Variants in MPP7 observed in about 807,000 individuals in gnomAD.
MPP7 encodes MAGUK p55 scaffold protein 7.
In MPP7, 60 loss-of-function variants were observed where a neutral mutation model predicts 76.5. The ratio of observed to expected loss-of-function variants is 0.78; its 90% CI spans 0.64 to 0.97. MPP7 has a LOEUF of 0.97. MPP7 is among the 50% of genes least tolerant of loss of function. The pLI, the probability that MPP7 is intolerant of heterozygous loss-of-function variation, is 0.00. For synonymous variants in MPP7, 237 were observed against 244.5 expected (o/e 0.97, Z 0.29); for missense variants, 641 against 694.0 (o/e 0.92, Z 0.86).
At chr10:28,174,071 A>G (rs980711995) in intron 3 of MPP7, among the ~76,000 whole-genome samples, 1 of 152,176 alleles carries the variant, frequency 6.6e-6, no homozygotes, top group African/African-American at 2.4e-5. Flanking sequence ...TTTAAAACCA[A>G]TGAGATACCA....
chr10:28,140,373 G>T (rs1304077095), intron 5 of MPP7, among the ~76,000 whole-genome samples: 1 of 151,962 alleles, frequency 6.6e-6, no homozygotes, highest in Admixed American at 6.6e-5. Flanking sequence ...TTAGCCAGGC[G>T]GGTGGCATGT....
At chr10:28,078,816 G>A (rs1232310459) in intron 12 of MPP7, among the ~76,000 whole-genome samples, 1 of 152,124 alleles carries the variant, frequency 6.6e-6, no homozygotes, top group Non-Finnish European at 1.5e-5. Context: ...GTAAGCAAAT[G>A]TGTTGCATGG....
chr10:28,077,059 T>G (rs1852523784), intron 12 of MPP7, among the ~76,000 whole-genome samples: 1 of 146,514 alleles, frequency 6.8e-6, no homozygotes, highest in Non-Finnish European at 1.5e-5. Flanking sequence ...ACTTCCTTTC[T>G]TATTCTTAAA....
chr10:28,113,205 A>C (rs770486971), intron 11 of MPP7, among the ~76,000 whole-genome samples: 2 of 152,120 alleles, frequency 1.3e-5, no homozygotes, highest in Non-Finnish European at 2.9e-5. Flanking sequence ...CCAGAAGGAA[A>C]GCTTGCTTGG....
intron 3 of MPP7, among the ~76,000 whole-genome samples, chr10:28,165,725 T>C (rs1836429054): frequency 6.6e-6 from 1 of 151,906 alleles, no homozygotes; most frequent in Non-Finnish European, 1.5e-5. Context: ...AAAAGTAAAA[T>C]TTAGAATTTA....
intron 13 of MPP7, 75 bp from the exon 14 acceptor site, chr10:28,059,818 G>A: frequency 1.0e-6 from 1 of 992,712 alleles, no homozygotes; most frequent in Non-Finnish European, 1.5e-6. Flanking sequence ...AAGAAATCAA[G>A]GGTATTTAAT....
chr10:28,185,317 A>T (rs1342030997), intron 3 of MPP7, among the ~76,000 whole-genome samples: 1 of 151,994 alleles, frequency 6.6e-6, no homozygotes, highest in Non-Finnish European at 1.5e-5. Context: ...CCAGAACCTG[A>T]GTCCAAGCAA....
chr10:28,083,481 T>TATTACTAAGA (rs1852858388), intron 12 of MPP7, among the ~76,000 whole-genome samples: 1 of 151,906 alleles, frequency 6.6e-6, no homozygotes, highest in Admixed American at 6.6e-5. Context: ...TTAGTAGAAC[T>TATTACTAAGA]ATTACTAAGA....
chr10:28,291,473 C>G (rs1840918487), intron 1 of MPP7, among the ~76,000 whole-genome samples: 2 of 152,154 alleles, frequency 1.3e-5, no homozygotes, highest in African/African-American at 2.4e-5. Flanking sequence ...GGTGTGGTAG[C>G]ACATGCCTGT....
At chr10:28,316,708 C>T (rs1834324049) in intron 2 of MPP7, among the ~76,000 whole-genome samples, 1 of 152,088 alleles carries the variant, frequency 6.6e-6, no homozygotes, top group Non-Finnish European at 1.5e-5. Context: ...TGTATGTAGA[C>T]ATGCATATGA....
chr10:28,302,269 T>G (rs74129042), intron 1 of MPP7, among the ~76,000 whole-genome samples: 2 of 152,172 alleles, frequency 1.3e-5, no homozygotes, highest in Non-Finnish European at 2.9e-5. Flanking sequence ...CGGCTGGGTC[T>G]ACCTGTCACT....
intron 3 of MPP7, among the ~76,000 whole-genome samples, chr10:28,199,228 T>C (rs1462763217): frequency 6.6e-6 from 1 of 152,064 alleles, no homozygotes; most frequent in African/African-American, 2.4e-5. Context: ...CACATATGAA[T>C]TAAGGGAGCT....
At chr10:28,203,513 AAAAC>A (rs953739733) in intron 2 of MPP7, among the ~76,000 whole-genome samples, 1 of 147,260 alleles carries the variant, frequency 6.8e-6, no homozygotes, top group African/African-American at 2.5e-5. Flanking sequence ...AAAAAAAAAA[AAAAC>A]CTTCTCTCAA....
At chr10:28,203,810 C>A (rs1837859839) in intron 2 of MPP7, among the ~76,000 whole-genome samples, 1 of 152,042 alleles carries the variant, frequency 6.6e-6, no homozygotes, top group Non-Finnish European at 1.5e-5. Context: ...TTACCTATTC[C>A]TTGGTAACAT....
intron 1 of MPP7, among the ~76,000 whole-genome samples, chr10:28,267,674 A>G (rs935368857): frequency 6.6e-6 from 1 of 152,226 alleles, no homozygotes; most frequent in African/African-American, 2.4e-5. Flanking sequence ...CAAGCATGTC[A>G]GATAAGGGAT....
At chr10:28,059,360 T>C (rs1020420830) in intron 14 of MPP7, among the ~76,000 whole-genome samples, 1 of 152,182 alleles carries the variant, frequency 6.6e-6, no homozygotes, top group African/African-American at 2.4e-5. Flanking sequence ...CATGTTAAGA[T>C]TCAATTAGTG....
At chr10:28,271,867 C>T (rs540543055) in intron 1 of MPP7, among the ~76,000 whole-genome samples, 4 of 152,112 alleles carry the variant, frequency 2.6e-5, no homozygotes, top group Admixed American at 2.0e-4. Flanking sequence ...CTCAGCTACT[C>T]GGGAGGCTGA....
At chr10:28,067,862 T>C (rs78596871) in intron 13 of MPP7, among the ~76,000 whole-genome samples, 4,522 of 152,226 alleles carry the variant, frequency 0.03, 216 homozygotes, top group African/African-American at 0.1. Flanking sequence ...ACATGAGAAC[T>C]GGTATCAAAA....
intron 1 of MPP7, among the ~76,000 whole-genome samples, chr10:28,258,291 C>A (rs563870695): frequency 1.4e-5 from 2 of 147,658 alleles, no homozygotes; most frequent in South Asian, 2.1e-4. Flanking sequence ...GCTATTAATA[C>A]CAAAAGTCTA....
Sources: gnomAD v4.1 joint callset for allele counts (sites outside exome capture counted in the v4.1 genomes callset) on GRCh38, gnomAD v4.1.1 for gene constraint, MANE v1.5 for transcripts, NCBI Gene and HGNC (gene_info 2026-07-23, HGNC 2026-07-21) for gene names.